Variants in CCNB3 observed in about 807,000 individuals in gnomAD.
CCNB3 encodes cyclin B3.
CCNB3 carries 12 observed loss-of-function variants against 68.0 expected under a neutral mutation model. The ratio of observed to expected loss-of-function variants is 0.18; its 90% confidence interval spans 0.11 to 0.29. The LOEUF (loss-of-function observed/expected upper bound fraction) is 0.29. CCNB3 is among the 10% of genes least tolerant of loss of function. The pLI is 1.00. For synonymous variants in CCNB3, 354 were observed against 388.9 expected, an observed-to-expected ratio of 0.91 and a Z score of 1.06; for missense variants, 904 against 993.1, an observed-to-expected ratio of 0.91 and a Z score of 1.21.
intron 3 of CCNB3, among the ~76,000 whole-genome samples, chrX:50,287,945 T>C (rs1219953288): frequency 9.2e-6 from 1 of 108,549 alleles, no homozygotes; most frequent in Non-Finnish European, 1.9e-5. Context: ...TAGATTCTCA[T>C]AGAAGCATGA....
chrX:50,351,590 C>G lies in CCNB3; in HGVS notation c.4092-17C>G. ...TTGCCCTATTCTATGCTGAGGAGAC[C>G]CCTCTTCCTTTTGCAGGGTCTTCTT... On this transcript the variant is annotated splice_polypyrimidine_tract_variant and intron_variant, in intron 12 of 12. Transcript: ENST00000376042. 8.4e-7 allele frequency: 1 copy of G among 1,192,283 alleles called. No individual in the cohort carries two copies. Among genetic ancestry groups the G allele is most frequent in the African/African-American group, 1.7e-5 (1 of 57,355 alleles).
intron 1 of CCNB3, among the ~76,000 whole-genome samples, chrX:50,215,238 C>T (rs964605585): frequency 9.1e-6 from 1 of 110,413 alleles, no homozygotes; most frequent in Non-Finnish European, 1.9e-5. Context: ...ATCCACCCGC[C>T]TCGGCCTCCC....
intron 5 of CCNB3, among the ~76,000 whole-genome samples, chrX:50,307,808 A>C (rs1298638222): frequency 9.0e-6 from 1 of 111,355 alleles, no homozygotes; most frequent in African/African-American, 3.3e-5. Context: ...TCTGGTCTTT[A>C]GAAGGTATTT....
chrX:50,227,954 AAT>A (rs1389352381), intron 1 of CCNB3, among the ~76,000 whole-genome samples: 4 of 86,565 alleles, frequency 4.6e-5, no homozygotes, highest in African/African-American at 1.3e-4. Context: ...ATATAGAGAG[AAT>A]ATATATATAA....
At chrX:50,220,078 T>C (rs1935643852) in intron 1 of CCNB3, among the ~76,000 whole-genome samples, 1 of 111,684 alleles carries the variant, frequency 9.0e-6, no homozygotes, top group Non-Finnish European at 1.9e-5. Context: ...TGTCTCTTAT[T>C]GGTGGATAGG....
intron 11 of CCNB3, among the ~76,000 whole-genome samples, chrX:50,349,037 C>T (rs73497512): frequency 0.024 from 2,654 of 112,714 alleles, 65 homozygotes; most frequent in African/African-American, 0.082. Flanking sequence ...AATGTCAGCC[C>T]GAATCTGAAC....
intron 1 of CCNB3, among the ~76,000 whole-genome samples, chrX:50,226,536 A>T (rs1194156524): frequency 1.3e-5 from 1 of 76,856 alleles, no homozygotes; most frequent in Non-Finnish European, 2.3e-5. Context: ...TATATAGAAT[A>T]TATGAATATA....
chrX:50,324,308 A>G (rs782064657), intron 8 of CCNB3, among the ~76,000 whole-genome samples: 1 of 111,852 alleles, frequency 8.9e-6, no homozygotes, highest in Admixed American at 9.5e-5. Context: ...CGACCTCCCA[A>G]AGTGCCAGGA....
rs371197565 is a variant in CCNB3, at chrX:50,308,857, T to C, written c.688T>C (p.Ser230Pro). The C allele has an allele frequency of 8.3e-7, 1 of 1,209,024 alleles. No individual in the cohort carries two copies. The highest frequency in any genetic ancestry group is 1.8e-5 in the African/African-American group (1 of 56,941). Residue 230 changes from serine to proline, a missense_variant, in exon 6 of 13, where the codon TCC becomes CCC. Transcript: ENST00000376042. Reference sequence around the variant, plus strand: ...GGCAGCCATCACCAAGAAGACATTATCCTTAAAGAAGAAGATGTGTGCAAG... The same window carrying C: ...GGCAGCCATCACCAAGAAGACATTACCCTTAAAGAAGAAGATGTGTGCAAG... The part of the protein sequence containing the change: ...EEAAITKKTL[S>P]LKKKMCASQR...
intron 5 of CCNB3, among the ~76,000 whole-genome samples, chrX:50,295,765 A>G (rs922617802): frequency 4.3e-4 from 48 of 111,288 alleles, no homozygotes; most frequent in African/African-American, 1.6e-3. Flanking sequence ...ATCTCTTGGA[A>G]ACATGTAGGG....
At position 50,345,638 on chromosome X, in the gene CCNB3, C is replaced by A. The variant is rs782300426; in HGVS notation, c.3655-1014C>A. ...TCCTCTGTTGGCCAGGACAGAGGGC[C>A]CCTACCAAGTCCATGGAGGAGGGGT... On this transcript the variant is annotated intron_variant, in intron 9 of 12. Coordinates refer to ENST00000376042, the MANE Select transcript of CCNB3 (RefSeq NM_033031.3). Among the ~76,000 whole-genome samples the A allele has an allele frequency of 5.4e-5, 6 of 111,356 alleles. No homozygotes were observed. The Admixed American group carries it at 5.7e-4, about 11-fold the overall frequency.
chrX:50,301,369 G>A (rs1326468584), intron 5 of CCNB3, among the ~76,000 whole-genome samples: 1 of 112,290 alleles, frequency 8.9e-6, no homozygotes, highest in Non-Finnish European at 1.9e-5. Flanking sequence ...ACCCTCAGCT[G>A]CAGGTCTGTT....
Position 50,346,763 on chromosome X carries a change from A to G in CCNB3, c.3766A>G (p.Ile1256Val), listed in dbSNP as rs782443677. ...CATCCTGAACGTCCTCAAATGTGAC[A>G]TTAACATTCCCATCGCCTACCATTT... ...INILNVLKCD[I>V]NIPIAYHFLR... The change falls in exon 10 of 13, where the codon ATT becomes GTT. Residue 1256 changes from isoleucine (I) to valine (V), a missense_variant. By Grantham distance (29) the Ile-to-Val change is conservative. Transcript: ENST00000376042. 2 of 1,211,783 alleles carry G rather than the reference A, an allele frequency of 1.7e-6. No individual in the cohort carries two copies. The highest frequency in any genetic ancestry group is 3.5e-5 in the African/African-American group (2 of 57,867).
chrX:50,298,069 A>G (rs1308724197), intron 5 of CCNB3, among the ~76,000 whole-genome samples: 1 of 111,675 alleles, frequency 9.0e-6, no homozygotes, highest in Non-Finnish European at 1.9e-5. Flanking sequence ...CAATCATGTC[A>G]TCTGCAAACA....
intron 1 of CCNB3, among the ~76,000 whole-genome samples, chrX:50,228,843 A>G (rs1282571787): frequency 1.5e-5 from 1 of 67,611 alleles, no homozygotes; most frequent in African/African-American, 6.1e-5. Context: ...GAATACATAT[A>G]TAGAATATAT....
At chrX:50,226,582 A>ATC (rs1310101434) in intron 1 of CCNB3, among the ~76,000 whole-genome samples, 5 of 71,353 alleles carry the variant, frequency 7.0e-5, no homozygotes, top group African/African-American at 3.6e-4. Flanking sequence ...TATAGAATAC[A>ATC]TACAAATATA....
At chrX:50,227,539 A>T (rs1305423264) in intron 1 of CCNB3, among the ~76,000 whole-genome samples, 1 of 82,063 alleles carries the variant, frequency 1.2e-5, no homozygotes, top group African/African-American at 4.5e-5. Flanking sequence ...AATATATATA[A>T]ATATATAGAG....
chrX:50,312,324 G>T (rs782244493), intron 6 of CCNB3, among the ~76,000 whole-genome samples: 2 of 111,071 alleles, frequency 1.8e-5, no homozygotes, highest in Admixed American at 9.6e-5. Flanking sequence ...GGCAGCGAAG[G>T]TATATACAAT....
chrX:50,228,613 A>G (rs1313572287), intron 1 of CCNB3, among the ~76,000 whole-genome samples: 1 of 86,725 alleles, frequency 1.2e-5, no homozygotes, highest in East Asian at 3.3e-4. Context: ...TATAGAATAT[A>G]TAGAATATAT....
Sources: gnomAD v4.1 joint callset for allele counts (sites outside exome capture counted in the v4.1 genomes callset) on GRCh38, gnomAD v4.1.1 for gene constraint, MANE v1.5 for transcripts, NCBI Gene and HGNC (gene_info 2026-07-23, HGNC 2026-07-21) for gene names.